Variants in CEP70 observed in about 807,000 individuals in gnomAD.
The protein encoded by CEP70 is centrosomal protein of 70 kDa.
Under a neutral mutation model 90.9 loss-of-function variants are expected in CEP70, and 70 were observed. That is an observed-to-expected ratio of 0.77 (90% CI 0.64 to 0.94). CEP70 has a LOEUF of 0.94. Ranked by LOEUF, CEP70 falls within the 40% of genes least tolerant of loss-of-function variation. The pLI, the probability that CEP70 is intolerant of heterozygous loss-of-function variation, is 0.00. For synonymous variants in CEP70, 220 were observed against 228.3 expected, an observed-to-expected ratio of 0.96 and a Z score of 0.33; for missense variants, 648 against 669.0, an observed-to-expected ratio of 0.97 and a Z score of 0.35.
At chr3:138,502,019 G>T (rs189308643) in intron 13 of CEP70, among the ~76,000 whole-genome samples, 235 of 152,230 alleles carry the variant, frequency 1.5e-3, no homozygotes, top group African/African-American at 5.3e-3. Flanking sequence ...ATGGCACAGC[G>T]CTTGGTCCTT....
At chr3:138,522,205 C>T (rs1377779225) in intron 11 of CEP70, among the ~76,000 whole-genome samples, 1 of 151,908 alleles carries the variant, frequency 6.6e-6, no homozygotes, top group Non-Finnish European at 1.5e-5. Flanking sequence ...TGTTTATCTG[C>T]TGACCTTCTC....
intron 13 of CEP70, among the ~76,000 whole-genome samples, chr3:138,504,331 A>G (rs575368767): frequency 6.6e-6 from 1 of 152,342 alleles, no homozygotes; most frequent in East Asian, 1.9e-4. Flanking sequence ...TTTAAAAAAA[A>G]TTAACATCAC....
rs150831700 is a variant in CEP70 at position 138,501,588 on chromosome 3, A to G, written c.1222-707T>C. Reference sequence around the variant, plus strand: ...GTCTCTCACTTAGCATAATGTTTTTAAGATTTATCCATGTTATAACATGTA... The same window carrying G: ...GTCTCTCACTTAGCATAATGTTTTTGAGATTTATCCATGTTATAACATGTA... On this transcript the variant is annotated intron_variant, in intron 13 of 17. Transcript: ENST00000264982. Among the ~76,000 whole-genome samples the G allele has an allele frequency of 7.1e-3, 1,078 of 152,288 alleles. 13 individuals carry two copies. The highest frequency in any genetic ancestry group is 0.025 in the African/African-American group (1,032 of 41,554).
At chr3:138,517,322 G>C (rs939571251) in intron 11 of CEP70, among the ~76,000 whole-genome samples, 9 of 152,106 alleles carry the variant, frequency 5.9e-5, no homozygotes, top group Non-Finnish European at 1.3e-4. Flanking sequence ...CATCAGCCTG[G>C]TAGGTCCAAG....
At chr3:138,554,126 G>C (rs2039823272) in intron 6 of CEP70, among the ~76,000 whole-genome samples, 1 of 151,768 alleles carries the variant, frequency 6.6e-6, no homozygotes. Context: ...GCCTGAACCT[G>C]GGAGGCGGAG....
chr3:138,587,254 C>A (rs556224498), intron 2 of CEP70, among the ~76,000 whole-genome samples: 1 of 149,320 alleles, frequency 6.7e-6, no homozygotes. Flanking sequence ...ACAGACAATG[C>A]CTTAAGAGAA....
intron 11 of CEP70, among the ~76,000 whole-genome samples, chr3:138,510,953 C>T (rs571628672): frequency 6.6e-6 from 1 of 151,392 alleles, no homozygotes; most frequent in Non-Finnish European, 1.5e-5. Context: ...CTCTGCCTCC[C>T]GGGTTCAAAC....
intron 8 of CEP70, chr3:138,531,728 G>A (rs2037833785): frequency 7.8e-6 from 1 of 128,632 alleles, no homozygotes; most frequent in East Asian, 2.1e-4. Flanking sequence ...AGTCCCCACA[G>A]TACTACAGAT....
At chr3:138,566,591 A>C (rs1162059223) in intron 6 of CEP70, among the ~76,000 whole-genome samples, 2 of 152,132 alleles carry the variant, frequency 1.3e-5, no homozygotes, top group Non-Finnish European at 2.9e-5. Flanking sequence ...ATTCTCACTT[A>C]TAAGTGGGAG....
rs192300707 is a variant in CEP70, at chr3:138,574,898, G to A, written c.-5-1966C>T. ...GAAAACTAACAAACAGAAAGGAAAAGCATCAACATTAACAAAAAGGACATC... is the reference window on the plus strand; with the variant it reads ...GAAAACTAACAAACAGAAAGGAAAAACATCAACATTAACAAAAAGGACATC... On this transcript the variant is annotated intron_variant, in intron 2 of 17. Transcript: ENST00000264982. 6.9e-3 allele frequency among the ~76,000 whole-genome samples: 1,049 copies of A among 152,280 alleles called. 12 individuals carry two copies. Among genetic ancestry groups the A allele is most frequent in the African/African-American group, 0.024 (1,013 of 41,556 alleles).
At chr3:138,527,694 CA>C (rs34863399) in intron 10 of CEP70, among the ~76,000 whole-genome samples, 58,186 of 117,678 alleles carry the variant, frequency 0.49, 13,189 homozygotes, top group African/African-American at 0.54. Flanking sequence ...GACTCCGTCT[CA>C]AAAAAAAAAA....
At chr3:138,578,932 C>T (rs2041698216) in intron 2 of CEP70, among the ~76,000 whole-genome samples, 4 of 152,186 alleles carry the variant, frequency 2.6e-5, no homozygotes, top group Non-Finnish European at 1.5e-5. Context: ...TGAGCAATCA[C>T]AGTAACTGGT....
At chr3:138,516,044 T>C (rs990556961) in intron 11 of CEP70, among the ~76,000 whole-genome samples, 2 of 152,232 alleles carry the variant, frequency 1.3e-5, no homozygotes, top group African/African-American at 4.8e-5. Flanking sequence ...CCTCCACTAC[T>C]GCCACCTTTG....
intron 16 of CEP70, among the ~76,000 whole-genome samples, chr3:138,499,031 G>A (rs947507763): frequency 1.3e-5 from 2 of 151,520 alleles, no homozygotes; most frequent in African/African-American, 4.9e-5. Context: ...GGGCAACAGA[G>A]TGAGACTCTG....
At chr3:138,516,084 T>C (rs1412716264) in intron 11 of CEP70, among the ~76,000 whole-genome samples, 1 of 152,166 alleles carries the variant, frequency 6.6e-6, no homozygotes, top group Non-Finnish European at 1.5e-5. Flanking sequence ...TTCTCCAAAC[T>C]CATATAATGG....
chr3:138,565,819 C>T (rs1229072252), intron 6 of CEP70, among the ~76,000 whole-genome samples: 1 of 152,122 alleles, frequency 6.6e-6, no homozygotes, highest in African/African-American at 2.4e-5. Context: ...GCCAAATAGA[C>T]AAGTGGGATC....
chr3:138,550,900 T>C (rs1023291098), intron 6 of CEP70, among the ~76,000 whole-genome samples: 3 of 152,170 alleles, frequency 2.0e-5, no homozygotes, highest in Admixed American at 1.3e-4. Context: ...CTAAGAATAG[T>C]TGTCATGCCT....
intron 6 of CEP70, among the ~76,000 whole-genome samples, chr3:138,544,883 C>G (rs560739575): frequency 6.6e-6 from 1 of 151,894 alleles, no homozygotes; most frequent in African/African-American, 2.4e-5. Context: ...GAGAGCAAAA[C>G]AGTGGTTAAC....
chr3:138,567,878 A>C (rs1413977314), intron 6 of CEP70, among the ~76,000 whole-genome samples: 1 of 152,178 alleles, frequency 6.6e-6, no homozygotes, highest in Non-Finnish European at 1.5e-5. Flanking sequence ...CCTGACTGAG[A>C]ATCTGAAAGG....
Sources: allele counts gnomAD v4.1 joint callset (sites outside exome capture counted in the v4.1 genomes callset), GRCh38; gene constraint gnomAD v4.1.1; transcripts MANE v1.5; gene names NCBI Gene and HGNC (gene_info 2026-07-23, HGNC 2026-07-21).